The following PPP1R36 variants were observed in gnomAD, a reference collection of about 807,000 sequenced individuals.
PPP1R36 encodes the protein protein phosphatase 1 regulatory subunit 36.
Under a neutral mutation model 53.4 loss-of-function variants are expected in PPP1R36, and 47 were observed. The observed-to-expected ratio is 0.88, with a 90% CI of 0.70 to 1.12. The LOEUF (loss-of-function observed/expected upper bound fraction) is 1.12, where lower values mean the gene tolerates loss of function less well. Among genes scored for constraint, PPP1R36 ranks in the 50% most tolerant of loss-of-function variants. The pLI is 0.00. For synonymous variants in PPP1R36, 153 were observed against 170.5 expected (o/e 0.90, Z 0.80); for missense variants, 456 against 513.9 (o/e 0.89, Z 1.09).
chr14:64,578,651 C>T (rs927801110), intron 8 of PPP1R36, among the ~76,000 whole-genome samples: 2 of 152,230 alleles, frequency 1.3e-5, no homozygotes, highest in Non-Finnish European at 2.9e-5. Flanking sequence ...CGCTTATACA[C>T]TGTTGGTGGG....
intron 8 of PPP1R36, among the ~76,000 whole-genome samples, chr14:64,583,150 C>T (rs887903160): frequency 2.0e-5 from 3 of 150,574 alleles, no homozygotes; most frequent in Non-Finnish European, 4.4e-5. Context: ...TGAGCTCAAG[C>T]GATCTGCCTG....
At chr14:64,587,528 T>C (rs1047740038) in intron 10 of PPP1R36, among the ~76,000 whole-genome samples, 156 bp downstream of exon 10, 3 of 145,182 alleles carry the variant, frequency 2.1e-5, no homozygotes, top group South Asian at 2.3e-4. Flanking sequence ...TGGCACAAGC[T>C]TGGCTTACTG....
At chr14:64,587,682 G>A (rs577046307) in intron 10 of PPP1R36, among the ~76,000 whole-genome samples, 39 of 151,502 alleles carry the variant, frequency 2.6e-4, no homozygotes, top group Non-Finnish European at 5.5e-4. Flanking sequence ...AGCTGATCTC[G>A]AACTCCTAAC....
In PPP1R36 at chr14:64,589,212, T is replaced by C; in HGVS notation, c.1143T>C (p.Asp381=). 1 of 1,614,070 alleles carries C rather than the reference T, an allele frequency of 6.2e-7. No individual in the cohort carries two copies. The highest frequency in any genetic ancestry group is 8.5e-7 in the Non-Finnish European group (1 of 1,179,974). ...ACCCACATACGCTTCACCCCCTTGA[T>C]CCAGAAGAAAACACAAAATCATTTG... The part of the protein sequence containing the change: ...LFNPHTLHPL[D]PEENTKSFGR... Residue 381 remains aspartate (D), a synonymous_variant, in exon 12 of 12, where the codon GAT becomes GAC. Transcript: ENST00000298705.
intron 3 of PPP1R36, among the ~76,000 whole-genome samples, chr14:64,563,694 T>C (rs1291607054): frequency 1.3e-5 from 2 of 152,198 alleles, no homozygotes; most frequent in South Asian, 4.1e-4. Flanking sequence ...ATTATTGATA[T>C]CCATATTTAG....
At chr14:64,557,959 A>C (rs567581798) in intron 3 of PPP1R36, among the ~76,000 whole-genome samples, 1 of 152,058 alleles carries the variant, frequency 6.6e-6, no homozygotes, top group Admixed American at 6.5e-5. Flanking sequence ...CAGTGAGCTG[A>C]GATTGTGCCA....
intron 8 of PPP1R36, among the ~76,000 whole-genome samples, chr14:64,583,143 G>A (rs2080403081): frequency 6.6e-6 from 1 of 150,386 alleles, no homozygotes; most frequent in Non-Finnish European, 1.5e-5. Flanking sequence ...GAACTCCTGA[G>A]CTCAAGCGAT....
chr14:64,559,481 G>C (rs922572466), intron 3 of PPP1R36: 1 of 152,284 alleles, frequency 6.6e-6, no homozygotes, highest in African/African-American at 2.4e-5. Flanking sequence ...AGTGGACAGA[G>C]GAGACAGAGA....
At chr14:64,560,494 G>T (rs552953311) in intron 3 of PPP1R36, among the ~76,000 whole-genome samples, 1 of 151,892 alleles carries the variant, frequency 6.6e-6, no homozygotes, top group Non-Finnish European at 1.5e-5. Flanking sequence ...AATTGTTTGC[G>T]GGGAGATAAG....
chr14:64,567,823 G>C (rs1288917045), intron 6 of PPP1R36, among the ~76,000 whole-genome samples: 1 of 151,984 alleles, frequency 6.6e-6, no homozygotes, highest in Non-Finnish European at 1.5e-5. Flanking sequence ...CACCACGCCC[G>C]GCTAATTTTT....
chr14:64,563,537 G>T (rs2080224485), intron 3 of PPP1R36, among the ~76,000 whole-genome samples: 1 of 151,920 alleles, frequency 6.6e-6, no homozygotes, highest in South Asian at 2.1e-4. Flanking sequence ...CATGCTTTTG[G>T]TAGCTAACCT....
chr14:64,553,839 A>AC (rs1555350998), intron 3 of PPP1R36, among the ~76,000 whole-genome samples: 3 of 150,926 alleles, frequency 2.0e-5, no homozygotes, highest in African/African-American at 4.8e-5. Flanking sequence ...AAAAAAAAAA[A>AC]AACAACAACT....
chr14:64,573,356 G>A (rs1471721818), intron 7 of PPP1R36, among the ~76,000 whole-genome samples: 1 of 152,178 alleles, frequency 6.6e-6, no homozygotes, highest in African/African-American at 2.4e-5. Flanking sequence ...GTAGTTCACA[G>A]ATGCCTTCTT....
At chr14:64,557,194 A>G (rs1219179221) in intron 3 of PPP1R36, among the ~76,000 whole-genome samples, 8 of 152,114 alleles carry the variant, frequency 5.3e-5, no homozygotes, top group African/African-American at 1.9e-4. Context: ...GGTGTAATGA[A>G]CCCCAACAAA....
chr14:64,565,063 G>GT (rs2080238569), intron 4 of PPP1R36, among the ~76,000 whole-genome samples: 1 of 152,168 alleles, frequency 6.6e-6, no homozygotes, highest in African/African-American at 2.4e-5. Flanking sequence ...ACTTTTTACA[G>GT]TTTTTTAAAA....
At position 64,564,747 on chromosome 14, in the gene PPP1R36, G is replaced by T; in HGVS notation, c.183-4G>T. On this transcript the variant is annotated splice_polypyrimidine_tract_variant and splice_region_variant and intron_variant, in intron 3 of 11. Coordinates refer to ENST00000298705, the MANE Select transcript of PPP1R36 (RefSeq NM_172365.3). ...AGTCCCTAATTATCTCATTTTTATTGCAGTTTTACACCTGCAGCAGAAGTC... is the reference window on the plus strand; with the variant it reads ...AGTCCCTAATTATCTCATTTTTATTTCAGTTTTACACCTGCAGCAGAAGTC... 6.3e-7 allele frequency: 1 copy of T among 1,597,326 alleles called. No individual in the cohort carries two copies. Among genetic ancestry groups the T allele is most frequent in the Non-Finnish European group, 8.5e-7 (1 of 1,173,096 alleles).
chr14:64,572,407 A>G (rs1157017994), intron 7 of PPP1R36, among the ~76,000 whole-genome samples: 3 of 152,220 alleles, frequency 2.0e-5, no homozygotes, highest in African/African-American at 7.2e-5. Context: ...AATTAGATGA[A>G]AACAGTATGG....
At chr14:64,587,853 G>A (rs1345338274) in intron 10 of PPP1R36, among the ~76,000 whole-genome samples, 1 of 151,918 alleles carries the variant, frequency 6.6e-6, no homozygotes, top group Non-Finnish European at 1.5e-5. Context: ...CAACCTCCCA[G>A]GCTCAAGTGA....
intron 3 of PPP1R36, among the ~76,000 whole-genome samples, chr14:64,560,816 A>G (rs749461494): frequency 1.7e-4 from 26 of 152,188 alleles, no homozygotes; most frequent in Non-Finnish European, 3.2e-4. Flanking sequence ...CAGCTGATTG[A>G]CAGTGTTCAA....
Sources: allele counts gnomAD v4.1 joint callset (sites outside exome capture counted in the v4.1 genomes callset), GRCh38; gene constraint gnomAD v4.1.1; transcripts MANE v1.5; gene names NCBI Gene and HGNC (gene_info 2026-07-23, HGNC 2026-07-21).